Variants in HINFP observed in about 807,000 individuals in gnomAD.
HINFP encodes histone H4 transcription factor.
HINFP carries 20 observed loss-of-function variants against 50.1 expected under a neutral mutation model. The observed-to-expected ratio is 0.40, with a 90% CI of 0.28 to 0.58. The LOEUF (loss-of-function observed/expected upper bound fraction) is 0.58. Ranked by LOEUF, HINFP falls within the 20% of genes least tolerant of loss-of-function variation. The pLI is 0.45. For missense variants in HINFP, 505 were observed against 664.1 expected (o/e 0.76, Z 2.63); for synonymous variants, 247 against 243.7 (o/e 1.01, Z -0.13).
At position 119,131,137 on chromosome 11, in the gene HINFP, A is replaced by G; in HGVS notation, c.411+183A>G. Reference sequence around the variant, plus strand: ...AGGCTCTTGATCTGAAGCCCAGGCTAGAGTGCAGTGGTACAATCATAGCTC... The same window carrying G: ...AGGCTCTTGATCTGAAGCCCAGGCTGGAGTGCAGTGGTACAATCATAGCTC... On this transcript the variant is annotated intron_variant, in intron 3 of 9. Coordinates refer to ENST00000350777, the MANE Select transcript of HINFP (RefSeq NM_198971.3). This position sits in a 1 kb window ranked among gnomAD's most constrained non-coding sequence, Gnocchi z 4.2. The G allele has an allele frequency of 1.4e-6, 1 of 701,044 alleles. No homozygotes were observed. The highest frequency in any genetic ancestry group is 2.6e-6 in the Non-Finnish European group (1 of 387,818). The allele number at this position is 701,044 out of a possible 1,614,324, so 43.4% of individuals were successfully genotyped here.
At chr11:119,133,062 G>A in intron 8 of HINFP, 33 bp from the exon 9 acceptor site, 3 of 1,614,248 alleles carry the variant, frequency 1.9e-6, no homozygotes. Context: ...GGGGTGAAGA[G>A]CTGGTCTCAT....
intron 1 of HINFP, among the ~76,000 whole-genome samples, chr11:119,122,267 T>G (rs1947112772): frequency 6.6e-6 from 1 of 152,156 alleles, no homozygotes; most frequent in African/African-American, 2.4e-5. Flanking sequence ...TCAGGGAGTT[T>G]TGCCTAGGTT....
intron 6 of HINFP, 43 bp downstream of exon 6, chr11:119,132,616 G>C (rs183673787): frequency 5.6e-6 from 9 of 1,613,902 alleles, no homozygotes; most frequent in South Asian, 2.2e-5. Context: ...GCCCTCCAAG[G>C]TTCCACAAGT....
At chr11:119,129,258 C>A (rs375325866) in intron 2 of HINFP, among the ~76,000 whole-genome samples, 69 of 152,098 alleles carry the variant, frequency 4.5e-4, no homozygotes, top group African/African-American at 1.5e-3. Context: ...CCAGGCTGGT[C>A]CCAAACTCCT....
rs1565798030 is a variant in HINFP at position 119,131,584 on chromosome 11, G to A, written c.461G>A (p.Ser154Asn). The change falls in exon 4 of 10, where the codon AGT becomes AAT. Residue 154 changes from serine (S) to asparagine (N), a missense_variant. Ser to Asn is a conservative substitution (Grantham distance 46). Coordinates refer to ENST00000350777, the MANE Select transcript of HINFP (RefSeq NM_198971.3). The surrounding 1 kb of genome is among the most constrained non-coding windows in gnomAD (Gnocchi z 4.2). ...TTTTATCGGCATGTGGAAGCACACA[G>A]TCTGTGCTGTGAATACGAAGCAGTC... ...EWFYRHVEAH[S>N]LCCEYEAVGK... 1 of 1,614,190 alleles carries A rather than the reference G, an allele frequency of 6.2e-7. No individual in the cohort carries two copies. Among genetic ancestry groups the A allele is most frequent in the East Asian group, 2.2e-5 (1 of 44,882 alleles).
intron 2 of HINFP, 62 bp downstream of exon 2, chr11:119,127,187 T>C (rs2135039529): frequency 1.4e-6 from 2 of 1,407,000 alleles, no homozygotes; most frequent in Non-Finnish European, 9.4e-7. Context: ...CTGACTTTCT[T>C]TTCCTTAGAG....
Position 119,134,389 on chromosome 11 carries a change from T to C in HINFP, c.1445T>C (p.Val482Ala), listed in dbSNP as rs779460885. The C allele has an allele frequency of 4.3e-6, 7 of 1,614,192 alleles. No homozygotes were observed. In the South Asian group the frequency reaches 7.7e-5, roughly 18 times the overall value. Reference protein sequence around the residue: ...AQGQQEIVYYVLSEAPGEPPP... With the variant: ...AQGQQEIVYYALSEAPGEPPP... ...GGCCAGCAAGAGATCGTCTACTATG[T>C]GCTGTCTGAAGCCCCAGGGGAGCCT... The change falls in exon 10 of 10, where the codon GTG (valine) becomes GCG (alanine). Residue 482 changes from valine (V) to alanine (A), a missense_variant. Coordinates refer to ENST00000350777, the MANE Select transcript of HINFP (RefSeq NM_198971.3). The surrounding 1 kb of genome is among the most constrained non-coding windows in gnomAD (Gnocchi z 4.3).
At chr11:119,129,986 A>G (rs1237287181) in intron 2 of HINFP, 1 of 152,246 alleles carries the variant, frequency 6.6e-6, no homozygotes, top group Admixed American at 6.5e-5. Flanking sequence ...TTTCTAAAGT[A>G]TCTGTGTTTC....
chr11:119,134,571 G>T lies in HINFP; in HGVS notation c.*73G>T. 4.0e-6 allele frequency: 5 copies of T among 1,248,522 alleles called. No individual in the cohort carries two copies. Among genetic ancestry groups the T allele is most frequent in the Non-Finnish European group, 5.5e-6 (5 of 914,266 alleles). The allele number at this position is 1,248,522 out of a possible 1,614,324, so 77.3% of individuals were successfully genotyped here. ...CAGGCAAGTGGCAGTGCCCCTAGTG[G>T]GCAGCCGTTGCCAATGGATGCCTTT... On this transcript the variant is annotated 3_prime_UTR_variant, in exon 10 of 10. Transcript: ENST00000350777. This position sits in a 1 kb window ranked among gnomAD's most constrained non-coding sequence, Gnocchi z 4.3.
Position 119,133,177 on chromosome 11 carries a change from A to G in HINFP, c.1097A>G (p.Lys366Arg), listed in dbSNP as rs1947877064. The change falls in exon 9 of 10, where the codon AAG becomes AGG. Residue 366 changes from lysine to arginine, a missense_variant. Lys to Arg is a conservative substitution (Grantham distance 26, BLOSUM62 2). Transcript: ENST00000350777. ...RGNNLTVHLR[K>R]KHQFKWPSGH... ...AACAACCTCACCGTGCACCTTCGCA[A>G]GAAGCACCAGTTCAAGTGGCCCTCA... is the stretch of plus-strand genomic sequence containing the variant. 1 of 1,614,236 alleles carries G rather than the reference A, an allele frequency of 6.2e-7. No individual in the cohort carries two copies. Among genetic ancestry groups the G allele is most frequent in the African/African-American group, 1.3e-5 (1 of 75,078 alleles).
At position 119,134,038 on chromosome 11, in the gene HINFP, A is replaced by G; in HGVS notation, c.1140-46A>G. 6.2e-7 allele frequency: 1 copy of G among 1,612,088 alleles called. No individual in the cohort carries two copies. Among genetic ancestry groups the G allele is most frequent in the Non-Finnish European group, 8.5e-7 (1 of 1,178,402 alleles). On this transcript the variant is annotated intron_variant, in intron 9 of 9. Coordinates refer to ENST00000350777, the MANE Select transcript of HINFP (RefSeq NM_198971.3). This position sits in a 1 kb window ranked among gnomAD's most constrained non-coding sequence, Gnocchi z 4.3. ...CTTTGCCAGCCTCGGCCATTTCTGT[A>G]TCCCCCTGCCTGGGTTTGCTGCCCT...
intron 1 of HINFP, among the ~76,000 whole-genome samples, chr11:119,123,548 CTTTT>C (rs11342595): frequency 7.2e-6 from 1 of 138,820 alleles, no homozygotes; most frequent in Non-Finnish European, 1.6e-5. Context: ...TTTCTTTCTT[CTTTT>C]TTTTTTTTTT....
Position 119,131,099 on chromosome 11 carries a change from A to AT in HINFP, c.411+151dup. ...TCTTTTGCTCTTTTAAAATTTGTTT[A>AT]TTTTTTACACACAGGCTCTTGATCT... On this transcript the variant is annotated intron_variant, in intron 3 of 9. Coordinates refer to ENST00000350777, the MANE Select transcript of HINFP (RefSeq NM_198971.3). This position sits in a 1 kb window ranked among gnomAD's most constrained non-coding sequence, Gnocchi z 4.2. 2.6e-6 allele frequency: 2 copies of AT among 772,268 alleles called. No individual in the cohort carries two copies. Among genetic ancestry groups the AT allele is most frequent in the South Asian group, 2.9e-5 (2 of 68,290 alleles). 47.8% of individuals were successfully genotyped at this position (772,268 alleles called of 1,614,324 possible). A position where few individuals can be genotyped will look rare whatever the true frequency, so the allele number is the denominator to read the frequency against.
In HINFP at chr11:119,134,833, C is replaced by T. The variant is rs995877813; in HGVS notation, c.*335C>T. On this transcript the variant is annotated 3_prime_UTR_variant, in exon 10 of 10. Coordinates refer to ENST00000350777, the MANE Select transcript of HINFP (RefSeq NM_198971.3). The surrounding 1 kb of genome is among the most constrained non-coding windows in gnomAD (Gnocchi z 4.3). ...ATCCTTAGCTCACATCCATTCCCAT[C>T]TTTCGGGCTCCTTAGGCCCAAGGAT... is the stretch of plus-strand genomic sequence containing the variant. 1 of 202,432 alleles carries T rather than the reference C, an allele frequency of 4.9e-6. No homozygotes were observed. Among genetic ancestry groups the T allele is most frequent in the African/African-American group, 2.3e-5 (1 of 43,626 alleles). 12.5% of individuals were successfully genotyped at this position (202,432 alleles called of 1,614,324 possible).
Position 119,133,011 on chromosome 11 carries a change from G to C in HINFP, c.1014+9G>C, listed in dbSNP as rs751303313. 4.3e-6 allele frequency: 7 copies of C among 1,614,272 alleles called. No homozygotes were observed. The South Asian group carries it at 7.7e-5, about 18-fold the overall frequency. On this transcript the variant is annotated intron_variant, in intron 8 of 9. Transcript: ENST00000350777. ...ACCGCAAAGTACATGAAGTGAGTGG[G>C]GCTGGTGTTGGGAAGGACTAGTGGA...
At position 119,132,480 on chromosome 11, in the gene HINFP, G is replaced by A. The variant is rs1947817826; in HGVS notation, c.677-16G>A. The A allele has an allele frequency of 1.2e-6, 2 of 1,613,640 alleles. No individual in the cohort carries two copies. The highest frequency in any genetic ancestry group is 2.7e-5 in the African/African-American group (2 of 74,942). On this transcript the variant is annotated splice_polypyrimidine_tract_variant and intron_variant, in intron 5 of 9. Transcript: ENST00000350777. ...ATCACCTACAGCCCTCCTTTCTTCT[G>A]CCTGCCCCACCCCAGAGCAGCACTT...
chr11:119,127,074 C>G lies in HINFP; in HGVS notation c.130C>G (p.Leu44Val), dbSNP rs757507384. 6.2e-7 allele frequency: 1 copy of G among 1,614,084 alleles called. No individual in the cohort carries two copies. Among genetic ancestry groups the G allele is most frequent in the Non-Finnish European group, 8.5e-7 (1 of 1,180,020 alleles). Residue 44 changes from leucine (L) to valine (V), a missense_variant, in exon 2 of 10, where the codon CTG becomes GTG. Physicochemically the swap from Leu to Val is conservative, Grantham distance 32. Transcript: ENST00000350777. ...TGTCACTCAGCACCTGCAGCAGCACCTGCATGGCTCTGGGGAGGAGGAGGA... is the reference window on the plus strand; with the variant it reads ...TGTCACTCAGCACCTGCAGCAGCACGTGCATGGCTCTGGGGAGGAGGAGGA... ...EHVTQHLQQHLHGSGEEEEEE... is the reference protein window; with the variant it reads ...EHVTQHLQQHVHGSGEEEEEE...
In HINFP at chr11:119,133,365, G is replaced by A. The variant is rs1320356673; in HGVS notation, c.1139+146G>A. 4.2e-6 allele frequency: 4 copies of A among 950,988 alleles called. No homozygotes were observed. In the South Asian group the frequency reaches 4.7e-5, roughly 11 times the overall value. The allele number at this position is 950,988 out of a possible 1,614,324, so 58.9% of individuals were successfully genotyped here. On this transcript the variant is annotated intron_variant, in intron 9 of 9. Coordinates refer to ENST00000350777, the MANE Select transcript of HINFP (RefSeq NM_198971.3). Reference sequence around the variant, plus strand: ...GGAGGCCAAGGTGGGCGGATCATGAGGTCAGGAGTTCGAGACCAGCCTGGC... The same window carrying A: ...GGAGGCCAAGGTGGGCGGATCATGAAGTCAGGAGTTCGAGACCAGCCTGGC...
chr11:119,132,246 A>C (rs1204590189), intron 5 of HINFP: 1 of 617,154 alleles, frequency 1.6e-6, no homozygotes, highest in African/African-American at 1.8e-5. Flanking sequence ...TTTGCAGATG[A>C]GGAAACTGAG....
Sources: gnomAD v4.1 joint callset for allele counts (sites outside exome capture counted in the v4.1 genomes callset) on GRCh38, gnomAD v4.1.1 for gene constraint, Gnocchi (gnomAD v3.1) non-coding constraint, MANE v1.5 for transcripts, NCBI Gene and HGNC (gene_info 2026-07-23, HGNC 2026-07-21) for gene names.